The following BST1 variants were observed in gnomAD, a reference collection of about 807,000 sequenced individuals.
The protein encoded by BST1 is bone marrow stromal cell antigen 1.
Under a neutral mutation model 40.6 loss-of-function variants are expected in BST1, and 49 were observed. The observed-to-expected ratio is 1.21, with a 90% confidence interval of 0.96 to 1.53. BST1 has a LOEUF of 1.53. BST1 is among the 40% of genes most tolerant of loss of function. The pLI is 0.00. For synonymous variants in BST1, 157 were observed against 159.3 expected, an observed-to-expected ratio of 0.99 and a Z score of 0.11; for missense variants, 423 against 395.9, an observed-to-expected ratio of 1.07 and a Z score of -0.58.
At chr4:15,731,021 G>A in intron 8 of BST1, 1 of 604,984 alleles carries the variant, frequency 1.7e-6, no homozygotes, top group Non-Finnish European at 2.7e-6. Context: ...CGGACATTCT[G>A]CCAGTTTTTC....
the BST1 span, among the ~76,000 whole-genome samples, chr4:15,764,955 A>C: frequency 6.6e-6 from 1 of 151,694 alleles, no homozygotes; most frequent in African/African-American, 2.4e-5. Context: ...TTTGAATCCC[A>C]GTTCCCCACT....
downstream of BST1, among the ~76,000 whole-genome samples, chr4:15,733,085 T>C (rs184972543): frequency 6.6e-6 from 1 of 152,238 alleles, no homozygotes; most frequent in East Asian, 1.9e-4. Flanking sequence ...AAAACAAAGC[T>C]TCCACAATGT....
chr4:15,737,775 G>A, downstream of BST1: 1 of 1,285,760 alleles, frequency 7.8e-7, no homozygotes. Flanking sequence ...GGTACTTTCT[G>A]AACCTGAACA....
chr4:15,768,650 C>T, the BST1 span, among the ~76,000 whole-genome samples: 4 of 151,906 alleles, frequency 2.6e-5, no homozygotes, highest in African/African-American at 4.8e-5. Flanking sequence ...CCCGCCACCG[C>T]GCCCGGCTAA....
At chr4:15,710,927 C>A (rs4631042) in intron 3 of BST1, among the ~76,000 whole-genome samples, 72,228 of 151,814 alleles carry the variant, frequency 0.48, 17,803 homozygotes, top group Middle Eastern at 0.59. Context: ...GTAGCTGGGA[C>A]TACAGATGCG....
intron 8 of BST1, chr4:15,731,460 T>C (rs1381254728): frequency 6.0e-6 from 5 of 826,534 alleles, no homozygotes; most frequent in Admixed American, 1.8e-5. Context: ...GGGAGTGGAC[T>C]TAAGCCTGAC....
chr4:15,774,002 G>T, the BST1 span, among the ~76,000 whole-genome samples: 1 of 152,150 alleles, frequency 6.6e-6, no homozygotes, highest in Admixed American at 6.5e-5. Flanking sequence ...TTAGAATGTG[G>T]CTGTATTTGA....
At chr4:15,707,868 T>TATAC (rs1417109037) in intron 3 of BST1, among the ~76,000 whole-genome samples, 1 of 147,708 alleles carries the variant, frequency 6.8e-6, no homozygotes. Context: ...TATATATATA[T>TATAC]ATATATACAC....
exon 7 of BST1, chr4:15,738,060 A>G (rs1465537448): frequency 3.6e-6 from 1 of 276,784 alleles, no homozygotes; most frequent in Non-Finnish European, 7.4e-6. Context: ...ATATGTGTCC[A>G]AACCTACAGA....
In BST1 at chr4:15,732,581, GT is replaced by G. The variant is rs1467996546; in HGVS notation, c.*737del. On this transcript the variant is annotated 3_prime_UTR_variant, in exon 9 of 9. Coordinates refer to ENST00000265016, the MANE Select transcript of BST1 (RefSeq NM_004334.3). ...GATCCACCCACCTCAGCCTCCCAAA[GT>G]GCTAGGATTACAGGCGTGAGCCACC... is the stretch of plus-strand genomic sequence containing the variant. The G allele has an allele frequency of 6.6e-6, 1 of 152,194 alleles. No homozygotes were observed. Among genetic ancestry groups the G allele is most frequent in the East Asian group, 1.9e-4 (1 of 5,204 alleles). 9.4% of individuals were successfully genotyped at this position (152,194 alleles called of 1,614,324 possible).
rs754739127 is a variant in BST1 at position 15,705,642 on chromosome 4, G to C, written c.315+1G>C. The C allele has an allele frequency of 1.2e-6, 2 of 1,613,842 alleles. No individual in the cohort carries two copies. The highest frequency in any genetic ancestry group is 1.7e-6 in the Non-Finnish European group (2 of 1,179,926). ...CAGGCACTCTATTCCCAGAGATAAGGTAACACCACAACCATCTTGGGTAAA... is the reference window on the plus strand; with the variant it reads ...CAGGCACTCTATTCCCAGAGATAAGCTAACACCACAACCATCTTGGGTAAA... On this transcript the variant is annotated splice_donor_variant, in intron 2 of 8. Transcript: ENST00000265016. LOFTEE classifies it high-confidence loss of function.
At chr4:15,720,260 T>A (rs1028859349) in intron 7 of BST1, among the ~76,000 whole-genome samples, 1 of 152,140 alleles carries the variant, frequency 6.6e-6, no homozygotes, top group Non-Finnish European at 1.5e-5. Flanking sequence ...TAACGCACGC[T>A]CTTTCCCTCC....
chr4:15,771,631 T>C, the BST1 span, among the ~76,000 whole-genome samples: 1 of 152,186 alleles, frequency 6.6e-6, no homozygotes, highest in Admixed American at 6.5e-5. Context: ...ACTGTGTGAG[T>C]GTGGAAAAAC....
the BST1 span, among the ~76,000 whole-genome samples, chr4:15,754,171 C>A: frequency 1.3e-5 from 2 of 152,116 alleles, no homozygotes; most frequent in Admixed American, 1.3e-4. Flanking sequence ...GGACTGTGGG[C>A]AGCTTTTTCA....
chr4:15,759,161 G>C, the BST1 span, among the ~76,000 whole-genome samples: 4 of 152,086 alleles, frequency 2.6e-5, no homozygotes, highest in Admixed American at 2.0e-4. Context: ...GGAAGCTCAA[G>C]CATCTCAGGG....
the BST1 span, among the ~76,000 whole-genome samples, chr4:15,755,284 G>C: frequency 6.6e-6 from 1 of 152,062 alleles, no homozygotes; most frequent in South Asian, 2.1e-4. Flanking sequence ...GATTACAGGT[G>C]TGCACCACCA....
rs1030145870 is a variant in BST1, at chr4:15,715,092, A to G, written c.535-193A>G. On this transcript the variant is annotated intron_variant, in intron 4 of 8. Coordinates refer to ENST00000265016, the MANE Select transcript of BST1 (RefSeq NM_004334.3). ...TTCCCAGACATGGATTACTGAGTCTATGAGTTTTTTGACATTTCAAGGCAA... is the reference window on the plus strand; with the variant it reads ...TTCCCAGACATGGATTACTGAGTCTGTGAGTTTTTTGACATTTCAAGGCAA... Among the ~76,000 whole-genome samples, 4 of 152,176 alleles carry G rather than the reference A, an allele frequency of 2.6e-5. No homozygotes were observed. The South Asian group carries it at 8.3e-4, about 31-fold the overall frequency.
At chr4:15,759,289 G>T in the BST1 span, among the ~76,000 whole-genome samples, 3 of 151,938 alleles carry the variant, frequency 2.0e-5, no homozygotes, top group South Asian at 4.1e-4. Context: ...CTCAAGGGCT[G>T]ACTGGTAGAA....
chr4:15,719,490 G>A (rs1720691232), intron 7 of BST1, among the ~76,000 whole-genome samples: 1 of 152,046 alleles, frequency 6.6e-6, no homozygotes, highest in African/African-American at 2.4e-5. Context: ...TCATTTGTGG[G>A]CCTTGTTGCT....
Sources: gnomAD v4.1 joint callset for allele counts (sites outside exome capture counted in the v4.1 genomes callset) on GRCh38, gnomAD v4.1.1 for gene constraint, MANE v1.5 for transcripts, NCBI Gene and HGNC (gene_info 2026-07-23, HGNC 2026-07-21) for gene names.